AP3S2: variants seen among roughly 807,000 people sequenced by gnomAD.
AP3S2 encodes AP-3 complex subunit sigma-2.
Under a neutral mutation model 23.4 loss-of-function variants are expected in AP3S2, and 22 were observed. That is an observed-to-expected ratio of 0.94 (90% CI 0.67 to 1.34). AP3S2 has a LOEUF of 1.34. Ranked by LOEUF, AP3S2 falls within the 40% of genes most tolerant of loss-of-function variation. The pLI is 0.00. For missense variants in AP3S2, 241 were observed against 236.9 expected (o/e 1.02, Z -0.11); for synonymous variants, 86 against 87.1 (o/e 0.99, Z 0.07).
intron 3 of AP3S2, chr15:89,878,234 A>G (rs1896488964): frequency 9.4e-6 from 6 of 637,428 alleles, no homozygotes; most frequent in South Asian, 1.8e-5. Context: ...AAAAAAAACA[A>G]CAGCAAAACT....
At chr15:89,848,966 T>A (rs1895566999) in intron 4 of AP3S2, 2 of 152,228 alleles carry the variant, frequency 1.3e-5, no homozygotes, top group African/African-American at 4.8e-5. Context: ...TTACTCGTAC[T>A]TTCATTCCAA....
intron 4 of AP3S2, among the ~76,000 whole-genome samples, chr15:89,859,315 T>C (rs964300566): frequency 6.7e-6 from 1 of 150,096 alleles, no homozygotes; most frequent in Admixed American, 6.7e-5. Context: ...TTCCTTCCTT[T>C]CCTTCCTTCC....
At chr15:89,869,569 A>T (rs1342179944) in intron 4 of AP3S2, among the ~76,000 whole-genome samples, 6 of 49,740 alleles carry the variant, frequency 1.2e-4, no homozygotes, top group South Asian at 4.8e-4. Flanking sequence ...ATTATCAATA[A>T]AAAAAAAAAA....
chr15:89,891,908 G>T (rs1282423362), intron 1 of AP3S2, among the ~76,000 whole-genome samples: 4 of 152,072 alleles, frequency 2.6e-5, no homozygotes, highest in Admixed American at 6.6e-5. Flanking sequence ...GAGAAATGAA[G>T]TCATAAGTCC....
chr15:89,893,472 C>T lies in AP3S2; in HGVS notation c.69+409G>A, dbSNP rs971043948. 1.6e-5 allele frequency: 6 copies of T among 378,864 alleles called. No individual in the cohort carries two copies. In the Admixed American group the frequency reaches 2.7e-4, roughly 17 times the overall value. 23.5% of individuals were successfully genotyped at this position (378,864 alleles called of 1,614,324 possible). A position where few individuals can be genotyped will look rare whatever the true frequency, so the allele number is the denominator to read the frequency against. ...CAAAAAAAAAAGAACTTTTCCAGTTCTGGCTATAACAAAAACTTTCAGAAA... is the reference window on the plus strand; with the variant it reads ...CAAAAAAAAAAGAACTTTTCCAGTTTTGGCTATAACAAAAACTTTCAGAAA... On this transcript the variant is annotated intron_variant, in intron 1 of 5. Coordinates refer to ENST00000336418, the MANE Select transcript of AP3S2 (RefSeq NM_005829.5).
At chr15:89,856,388 C>A (rs565691028) in intron 4 of AP3S2, among the ~76,000 whole-genome samples, 2 of 152,080 alleles carry the variant, frequency 1.3e-5, no homozygotes, top group South Asian at 4.2e-4. Context: ...CATGGCGAAA[C>A]CCTGTCTCTA....
At chr15:89,887,889 T>C (rs1359628510) in intron 3 of AP3S2, among the ~76,000 whole-genome samples, 2 of 152,208 alleles carry the variant, frequency 1.3e-5, no homozygotes, top group Non-Finnish European at 2.9e-5. Context: ...CAGGTTGGTC[T>C]CAAAATCCTG....
intron 4 of AP3S2, among the ~76,000 whole-genome samples, chr15:89,848,145 A>G (rs887799070): frequency 6.6e-6 from 1 of 152,228 alleles, no homozygotes; most frequent in Admixed American, 6.5e-5. Context: ...CTGTTGTGCT[A>G]CAAAAGACAG....
intron 5 of AP3S2, 62 bp from the exon 6 acceptor site, chr15:89,835,705 A>G: frequency 1.1e-6 from 1 of 936,922 alleles, no homozygotes; most frequent in Non-Finnish European, 1.4e-6. Context: ...TAATGCTAAA[A>G]AAAAAAAAAA....
intron 5 of AP3S2, among the ~76,000 whole-genome samples, chr15:89,835,979 G>C (rs1242829408): frequency 6.6e-6 from 1 of 152,158 alleles, no homozygotes; most frequent in African/African-American, 2.4e-5. Flanking sequence ...GGTGAGCTGA[G>C]ATCACGCCAC....
At position 89,871,852 on chromosome 15, in the gene AP3S2, C is replaced by A. The variant is rs141525326; in HGVS notation, c.274-306G>T. Among the ~76,000 whole-genome samples, 335 of 152,096 alleles carry A rather than the reference C, an allele frequency of 2.2e-3. 1 individual carries two copies. The highest frequency in any genetic ancestry group is 7.8e-3 in the African/African-American group (322 of 41,518). ...GGTAGGGCATGGTGGCTCATACTTA[C>A]AATCTCAGCACTTTGAGAGCCCAAG... On this transcript the variant is annotated intron_variant, in intron 3 of 5. Coordinates refer to ENST00000336418, the MANE Select transcript of AP3S2 (RefSeq NM_005829.5).
At chr15:89,837,581 C>A in intron 5 of AP3S2, 34 bp downstream of exon 5, 1 of 1,613,178 alleles carries the variant, frequency 6.2e-7, no homozygotes, top group African/African-American at 1.3e-5. Context: ...GTTTTCTCTA[C>A]CCAGCCAGGG....
In AP3S2 at chr15:89,833,399, G is replaced by C. The variant is rs1895121663; in HGVS notation, c.*2116C>G. 1 of 152,176 alleles carries C rather than the reference G, an allele frequency of 6.6e-6. No homozygotes were observed. The highest frequency in any genetic ancestry group is 1.5e-5 in the Non-Finnish European group (1 of 68,032). 9.4% of individuals were successfully genotyped at this position (152,176 alleles called of 1,614,324 possible). A position where few individuals can be genotyped will look rare whatever the true frequency, so the allele number is the denominator to read the frequency against. The stretch of plus-strand genomic sequence containing the variant: ...ATCTTAAGCAGCGAGGAAAGAAAAG[G>C]ACAGTGGAGTCAAGTGAACAGTCTC... On this transcript the variant is annotated 3_prime_UTR_variant, in exon 6 of 6. Transcript: ENST00000336418.
At chr15:89,872,931 T>C (rs1317187910) in intron 3 of AP3S2, among the ~76,000 whole-genome samples, 1 of 152,220 alleles carries the variant, frequency 6.6e-6, no homozygotes. Context: ...TGGAAAACTA[T>C]GACATTATGT....
At chr15:89,859,020 T>A (rs889475706) in intron 4 of AP3S2, among the ~76,000 whole-genome samples, 1 of 151,952 alleles carries the variant, frequency 6.6e-6, no homozygotes. Context: ...TTTTTTTCTT[T>A]TTTTTTTTCT....
intron 3 of AP3S2, among the ~76,000 whole-genome samples, chr15:89,883,456 C>T (rs939618560): frequency 6.6e-6 from 1 of 151,360 alleles, no homozygotes; most frequent in African/African-American, 2.4e-5. Context: ...AGTGTAGTGG[C>T]ATGAATATGG....
chr15:89,842,437 C>T (rs1322031400), intron 4 of AP3S2, among the ~76,000 whole-genome samples: 1 of 152,098 alleles, frequency 6.6e-6, no homozygotes, highest in Non-Finnish European at 1.5e-5. Context: ...ATAGGCAGTA[C>T]CAAGATACAC....
chr15:89,871,421 G>T (rs1896316006), intron 4 of AP3S2, 54 bp downstream of exon 4: 1 of 1,557,866 alleles, frequency 6.4e-7, no homozygotes, highest in Admixed American at 1.9e-5. Flanking sequence ...AGATGCCCAA[G>T]GCTCTTGGTT....
intron 3 of AP3S2, among the ~76,000 whole-genome samples, chr15:89,882,366 CTTT>C (rs781506231): frequency 1.4e-5 from 2 of 142,664 alleles, no homozygotes; most frequent in Non-Finnish European, 1.5e-5. Context: ...TTGACCTACT[CTTT>C]TTTTTTTTTT....
Sources: gnomAD v4.1 joint callset for allele counts (sites outside exome capture counted in the v4.1 genomes callset) on GRCh38, gnomAD v4.1.1 for gene constraint, MANE v1.5 for transcripts, NCBI Gene and HGNC (gene_info 2026-07-23, HGNC 2026-07-21) for gene names.